The following CENPP variants were observed in gnomAD, a reference collection of about 807,000 sequenced individuals.
CENPP encodes centromere protein P.
Under a neutral mutation model 35.6 loss-of-function variants are expected in CENPP, and 24 were observed. That is an observed-to-expected ratio of 0.67 (90% confidence interval 0.49 to 0.95). The LOEUF is 0.95. Among genes scored for constraint, CENPP ranks in the 40% least tolerant of loss-of-function variants. The pLI, the probability that CENPP is intolerant of heterozygous loss-of-function variation, is 0.00. For synonymous variants in CENPP, 120 were observed against 125.5 expected (o/e 0.96, Z 0.29); for missense variants, 332 against 345.3 (o/e 0.96, Z 0.31).
intron 5 of CENPP, among the ~76,000 whole-genome samples, chr9:92,421,915 T>C (rs1843809927): frequency 6.6e-6 from 1 of 152,202 alleles, no homozygotes. Flanking sequence ...GAAAGTCTTT[T>C]GTAGACATCA....
At position 92,378,894 on chromosome 9, in the gene CENPP, G is replaced by A. The variant is rs1363983625; in HGVS notation, c.468-869G>A. On this transcript the variant is annotated intron_variant, in intron 4 of 7. Transcript: ENST00000375587. ...TCTGTCACCAACTGGATGTCCTGCA[G>A]CTCAGTTCAGTTCTCACACTAACAG... Among the ~76,000 whole-genome samples the A allele has an allele frequency of 2.0e-5, 3 of 152,236 alleles. No individual in the cohort carries two copies. In the East Asian group the frequency reaches 5.8e-4, roughly 29 times the overall value.
At chr9:92,491,749 C>T (rs1309800827) in intron 5 of CENPP, among the ~76,000 whole-genome samples, 1 of 152,136 alleles carries the variant, frequency 6.6e-6, no homozygotes, top group African/African-American at 2.4e-5. Context: ...TTTGATGTCT[C>T]TCGTATCTGT....
At chr9:92,439,189 A>C (rs1844321625) in intron 5 of CENPP, among the ~76,000 whole-genome samples, 1 of 152,092 alleles carries the variant, frequency 6.6e-6, no homozygotes, top group Admixed American at 6.6e-5. Context: ...TCTAGTTAGA[A>C]GTTATTGGCT....
Position 92,352,514 on chromosome 9 carries a change from T to C in CENPP, c.467+6727T>C, listed in dbSNP as rs1485482734. Among the ~76,000 whole-genome samples the C allele has an allele frequency of 8.7e-5, 9 of 104,004 alleles. 1 individual carries two copies. The East Asian group carries it at 1.8e-3, about 20-fold the overall frequency. 68.2% of individuals were successfully genotyped at this position (104,004 alleles called of 152,430 possible). On this transcript the variant is annotated intron_variant, in intron 4 of 7. Coordinates refer to ENST00000375587, the MANE Select transcript of CENPP (RefSeq NM_001012267.3). ...GTGTGTGTGTGTGTGTGTATACATA[T>C]ATATATATATATATATATATATATA... is the stretch of plus-strand genomic sequence containing the variant.
chr9:92,395,248 C>T (rs1400614188), intron 5 of CENPP, among the ~76,000 whole-genome samples: 2 of 152,150 alleles, frequency 1.3e-5, no homozygotes, highest in Non-Finnish European at 2.9e-5. Context: ...GGTCAGTATA[C>T]ATTAGTTTGC....
At position 92,440,561 on chromosome 9, in the gene CENPP, G is replaced by T. The variant is rs566376499; in HGVS notation, c.564+60702G>T. On this transcript the variant is annotated intron_variant, in intron 5 of 7. Coordinates refer to ENST00000375587, the MANE Select transcript of CENPP (RefSeq NM_001012267.3). ...AAAAGTTCTCAACTTAATAAGGAAAGAAAAAGAATGGTATGGTAAGAGTGC... is the reference window on the plus strand; with the variant it reads ...AAAAGTTCTCAACTTAATAAGGAAATAAAAAGAATGGTATGGTAAGAGTGC... 4.6e-5 allele frequency among the ~76,000 whole-genome samples: 7 copies of T among 152,178 alleles called. No individual in the cohort carries two copies. In the South Asian group the frequency reaches 1.5e-3, roughly 32 times the overall value.
intron 5 of CENPP, among the ~76,000 whole-genome samples, chr9:92,590,355 C>G (rs1295449876): frequency 6.6e-6 from 1 of 152,184 alleles, no homozygotes; most frequent in Non-Finnish European, 1.5e-5. Context: ...AAAGAATCCT[C>G]TTTCTATTAC....
intron 5 of CENPP, chr9:92,457,056 T>A: frequency 7.7e-7 from 1 of 1,301,318 alleles, no homozygotes; most frequent in East Asian, 3.2e-5. Context: ...GTAAGATCAT[T>A]TGTACGCAAA....
At chr9:92,331,173 T>A (rs1296932204) in intron 1 of CENPP, among the ~76,000 whole-genome samples, 4 of 152,228 alleles carry the variant, frequency 2.6e-5, no homozygotes, top group Admixed American at 2.6e-4. Context: ...TTTTATTTTT[T>A]AATTTCTTTC....
chr9:92,495,028 TAA>T (rs147257894), intron 5 of CENPP, among the ~76,000 whole-genome samples: 5,460 of 152,330 alleles, frequency 0.036, 149 homozygotes, highest in Non-Finnish European at 0.053. Flanking sequence ...TTATATGAGA[TAA>T]TAACTGCATT....
chr9:92,542,534 G>A (rs1280551711), intron 5 of CENPP, among the ~76,000 whole-genome samples: 3 of 148,740 alleles, frequency 2.0e-5, no homozygotes, highest in Non-Finnish European at 3.0e-5. Flanking sequence ...ATGGAGTCTC[G>A]CTCTGTCTCA....
At chr9:92,474,510 A>G in intron 5 of CENPP, 2 of 1,427,452 alleles carry the variant, frequency 1.4e-6, no homozygotes, top group Non-Finnish European at 1.8e-6. Flanking sequence ...AACTTAAATG[A>G]AAAAAACTTA....
intron 5 of CENPP, among the ~76,000 whole-genome samples, chr9:92,526,575 AAAG>A (rs1038237005): frequency 8.6e-5 from 13 of 151,976 alleles, no homozygotes; most frequent in African/African-American, 3.1e-4. Context: ...AAGAAATAAT[AAAG>A]ATCAGAATAG....
At chr9:92,468,758 A>C (rs1197978953) in intron 5 of CENPP, among the ~76,000 whole-genome samples, 1 of 152,236 alleles carries the variant, frequency 6.6e-6, no homozygotes, top group Non-Finnish European at 1.5e-5. Context: ...GTCTGCTAAT[A>C]GTAGCTTGGC....
At chr9:92,367,481 T>A (rs1485709072) in intron 4 of CENPP, among the ~76,000 whole-genome samples, 1 of 152,106 alleles carries the variant, frequency 6.6e-6, no homozygotes, top group Non-Finnish European at 1.5e-5. Flanking sequence ...GAGGAAACAT[T>A]TAAAAATGGT....
At position 92,419,370 on chromosome 9, in the gene CENPP, G is replaced by A. The variant is rs576057041; in HGVS notation, c.564+39511G>A. Among the ~76,000 whole-genome samples, 105 of 146,332 alleles carry A rather than the reference G, an allele frequency of 7.2e-4. No individual in the cohort carries two copies. In the South Asian group the frequency reaches 0.012, roughly 16 times the overall value. On this transcript the variant is annotated intron_variant, in intron 5 of 7. Transcript: ENST00000375587. Reference sequence around the variant, plus strand: ...GACTGGAGTGCAGTGGTGCGATCTCGGCTCACTGCAGCCACCACCTCCTGG... The same window carrying A: ...GACTGGAGTGCAGTGGTGCGATCTCAGCTCACTGCAGCCACCACCTCCTGG...
intron 5 of CENPP, among the ~76,000 whole-genome samples, chr9:92,399,472 G>A (rs749118522): frequency 1.3e-5 from 2 of 151,784 alleles, no homozygotes; most frequent in Non-Finnish European, 1.5e-5. Flanking sequence ...TCTTTATCTA[G>A]TGATATTATT....
rs12552865 is a variant in CENPP at position 92,348,249 on chromosome 9, G to A, written c.467+2462G>A. 2.4e-4 allele frequency among the ~76,000 whole-genome samples: 37 copies of A among 151,642 alleles called. No homozygotes were observed. The East Asian group carries it at 5.6e-3, about 23-fold the overall frequency. Reference sequence around the variant, plus strand: ...GCCAGGATTACAGGCATGAGCCACCGTGCCTGGCTGACAAAACGTGTTTTT... The same window carrying A: ...GCCAGGATTACAGGCATGAGCCACCATGCCTGGCTGACAAAACGTGTTTTT... On this transcript the variant is annotated intron_variant, in intron 4 of 7. Transcript: ENST00000375587.
chr9:92,487,596 A>G (rs1053270349), intron 5 of CENPP, among the ~76,000 whole-genome samples: 3 of 152,232 alleles, frequency 2.0e-5, no homozygotes, highest in African/African-American at 7.2e-5. Context: ...GATTTAAGGA[A>G]AGATAATCAA....
Sources: allele counts gnomAD v4.1 joint callset (sites outside exome capture counted in the v4.1 genomes callset), GRCh38; gene constraint gnomAD v4.1.1; transcripts MANE v1.5; gene names NCBI Gene and HGNC (gene_info 2026-07-23, HGNC 2026-07-21).